Variants in RAPGEF5 observed in about 807,000 individuals in gnomAD.
The protein encoded by RAPGEF5 is M-Ras-regulated GEF.
In RAPGEF5, 65 loss-of-function variants were observed where a neutral mutation model predicts 125.2. The observed-to-expected ratio is 0.52, with a 90% CI of 0.43 to 0.64. RAPGEF5 has a LOEUF of 0.64. Ranked by LOEUF, RAPGEF5 falls within the 30% of genes least tolerant of loss-of-function variation. The probability of loss-of-function intolerance (pLI) is 0.00; values close to 1 mark genes in which losing one functional copy is unlikely to be tolerated. For synonymous variants in RAPGEF5, 391 were observed against 385.9 expected (o/e 1.01, Z -0.16); for missense variants, 958 against 1,048.1 (o/e 0.91, Z 1.19).
At chr7:22,294,108 G>C (rs1254147049) in intron 5 of RAPGEF5, among the ~76,000 whole-genome samples, 1 of 151,152 alleles carries the variant, frequency 6.6e-6, no homozygotes, top group Non-Finnish European at 1.5e-5. Flanking sequence ...GGGCTGTGCT[G>C]CTCGTGAATG....
intron 11 of RAPGEF5, among the ~76,000 whole-genome samples, chr7:22,181,079 A>G (rs1366668159): frequency 1.3e-5 from 2 of 152,240 alleles, no homozygotes; most frequent in Non-Finnish European, 2.9e-5. Context: ...GTCACATTTT[A>G]TATATCCAAC....
At chr7:22,279,216 GT>G (rs776299455) in intron 6 of RAPGEF5, among the ~76,000 whole-genome samples, 9 of 152,158 alleles carry the variant, frequency 5.9e-5, no homozygotes, top group Non-Finnish European at 1.2e-4. Flanking sequence ...CCCCACGTGT[GT>G]TTGTCCTGAC....
At chr7:22,180,550 C>T (rs1034136048) in intron 11 of RAPGEF5, among the ~76,000 whole-genome samples, 19 of 152,138 alleles carry the variant, frequency 1.2e-4, no homozygotes, top group African/African-American at 4.1e-4. Flanking sequence ...TTATCGGCTG[C>T]GGACTGTATT....
intron 7 of RAPGEF5, among the ~76,000 whole-genome samples, chr7:22,251,196 T>C (rs1583517982): frequency 6.6e-6 from 1 of 152,278 alleles, no homozygotes; most frequent in African/African-American, 2.4e-5. Context: ...GCAAAAGCAA[T>C]AATAATATTA....
chr7:22,322,784 C>T (rs1049315241), intron 1 of RAPGEF5, among the ~76,000 whole-genome samples: 2 of 152,204 alleles, frequency 1.3e-5, no homozygotes, highest in African/African-American at 4.8e-5. Flanking sequence ...CCACCCCAAA[C>T]ATACTGAATT....
chr7:22,200,713 G>T (rs920575948), intron 9 of RAPGEF5, among the ~76,000 whole-genome samples: 1 of 152,104 alleles, frequency 6.6e-6, no homozygotes, highest in Non-Finnish European at 1.5e-5. Flanking sequence ...GGCTACTAGA[G>T]AAAAACTGTA....
chr7:22,242,492 C>A (rs1786356034), intron 7 of RAPGEF5, among the ~76,000 whole-genome samples: 1 of 152,110 alleles, frequency 6.6e-6, no homozygotes, highest in Admixed American at 6.6e-5. Flanking sequence ...CCTGACCCAG[C>A]TGAGAAGGGC....
chr7:22,188,392 G>A lies in RAPGEF5; in HGVS notation c.1204+4975C>T, dbSNP rs1204857576. On this transcript the variant is annotated intron_variant, in intron 11 of 25. Coordinates refer to ENST00000665637, the MANE Select transcript of RAPGEF5 (RefSeq NM_012294.5). ...AAGGGATTATCATGAGCTTGGTGTTGGCAGGAGACAAGATTAAAAAGTTAA... is the reference window on the plus strand; with the variant it reads ...AAGGGATTATCATGAGCTTGGTGTTAGCAGGAGACAAGATTAAAAAGTTAA... Among the ~76,000 whole-genome samples, 4 of 152,244 alleles carry A rather than the reference G, an allele frequency of 2.6e-5. No homozygotes were observed. In the East Asian group the frequency reaches 5.8e-4, roughly 22 times the overall value.
intron 7 of RAPGEF5, among the ~76,000 whole-genome samples, chr7:22,241,210 C>A (rs1786321780): frequency 6.6e-6 from 1 of 152,112 alleles, no homozygotes; most frequent in Non-Finnish European, 1.5e-5. Context: ...TTTATTGCAA[C>A]TTTTTGCCAC....
At chr7:22,340,532 T>C (rs1040152712) in intron 1 of RAPGEF5, among the ~76,000 whole-genome samples, 1 of 152,216 alleles carries the variant, frequency 6.6e-6, no homozygotes, top group African/African-American at 2.4e-5. Flanking sequence ...ACATTCACTC[T>C]AGACTGGAGG....
intron 9 of RAPGEF5, among the ~76,000 whole-genome samples, chr7:22,204,669 G>A (rs560578600): frequency 6.6e-6 from 1 of 152,278 alleles, no homozygotes; most frequent in Admixed American, 6.5e-5. Flanking sequence ...TGTTTTTAGG[G>A]AGGCACGCCT....
intron 6 of RAPGEF5, among the ~76,000 whole-genome samples, chr7:22,268,873 C>T (rs1393323719): frequency 2.0e-5 from 3 of 152,142 alleles, no homozygotes; most frequent in Non-Finnish European, 4.4e-5. Flanking sequence ...ATTCCCACCA[C>T]TGTATAACAC....
intron 1 of RAPGEF5, among the ~76,000 whole-genome samples, chr7:22,333,107 C>T (rs1181043025): frequency 6.6e-6 from 1 of 152,164 alleles, no homozygotes; most frequent in African/African-American, 2.4e-5. Context: ...ATATTAAATG[C>T]TAACATTTCA....
intron 6 of RAPGEF5, among the ~76,000 whole-genome samples, chr7:22,267,816 CTT>C (rs1347354764): frequency 4.0e-5 from 6 of 151,552 alleles, no homozygotes; most frequent in Non-Finnish European, 7.4e-5. Context: ...GACACAAACT[CTT>C]AAACTCAGAA....
chr7:22,148,827 G>C (rs1023239850), intron 18 of RAPGEF5, among the ~76,000 whole-genome samples: 4 of 152,160 alleles, frequency 2.6e-5, no homozygotes, highest in African/African-American at 9.7e-5. Flanking sequence ...TATTCAGAGT[G>C]GGGGTTTCCT....
At chr7:22,169,392 A>G (rs1424222330) in intron 11 of RAPGEF5, among the ~76,000 whole-genome samples, 1 of 152,244 alleles carries the variant, frequency 6.6e-6, no homozygotes, top group Non-Finnish European at 1.5e-5. Context: ...AATAGTTTCA[A>G]TTAAAATCAA....
At chr7:22,286,506 A>G (rs1782800560) in intron 6 of RAPGEF5, among the ~76,000 whole-genome samples, 1 of 152,182 alleles carries the variant, frequency 6.6e-6, no homozygotes, top group African/African-American at 2.4e-5. Context: ...AAACAACCTA[A>G]TAGGTTTTGT....
chr7:22,315,266 A>G (rs1350737602), intron 3 of RAPGEF5, 104 bp downstream of exon 3: 60 of 1,340,238 alleles, frequency 4.5e-5, no homozygotes, highest in Non-Finnish European at 5.3e-5. Flanking sequence ...CCCTCCTACT[A>G]CTGATATTGT....
intron 1 of RAPGEF5, among the ~76,000 whole-genome samples, chr7:22,331,676 C>T (rs145314849): frequency 0.073 from 10,509 of 143,666 alleles, 471 homozygotes; most frequent in East Asian, 0.17. Context: ...ACCCGGGAGG[C>T]GGAGCTTGCA....
Sources: gnomAD v4.1 joint callset for allele counts (sites outside exome capture counted in the v4.1 genomes callset) on GRCh38, gnomAD v4.1.1 for gene constraint, MANE v1.5 for transcripts, NCBI Gene and HGNC (gene_info 2026-07-23, HGNC 2026-07-21) for gene names.